Variants in ZNF804B observed in about 807,000 individuals in gnomAD.
ZNF804B encodes zinc finger protein 804B.
In ZNF804B, 80 loss-of-function variants were observed where a neutral mutation model predicts 101.4. That is an observed-to-expected ratio of 0.79 (90% CI 0.66 to 0.95). The LOEUF (loss-of-function observed/expected upper bound fraction) is 0.95, where lower values mean the gene tolerates loss of function less well. Ranked by LOEUF, ZNF804B falls within the 40% of genes least tolerant of loss-of-function variation. The pLI, the probability that ZNF804B is intolerant of heterozygous loss-of-function variation, is 0.00. For missense variants in ZNF804B, 1,673 were observed against 1,561.9 expected (o/e 1.07, Z -1.20); for synonymous variants, 622 against 558.8 (o/e 1.11, Z -1.59).
At chr7:89,018,789 G>A (rs1214449730) in intron 1 of ZNF804B, among the ~76,000 whole-genome samples, 1 of 151,894 alleles carries the variant, frequency 6.6e-6, no homozygotes, top group Non-Finnish European at 1.5e-5. Context: ...GGATACAGTT[G>A]TTCATTAGAA....
At position 89,292,796 on chromosome 7, in the gene ZNF804B, AT is replaced by A. The variant is rs549011168; in HGVS notation, c.250-34547del. ...AATAATTGGATGAAAGGTCAACATA[AT>A]AAAAATTAATTGTATTTTTATATAT... On this transcript the variant is annotated intron_variant, in intron 2 of 3. Coordinates refer to ENST00000333190, the MANE Select transcript of ZNF804B (RefSeq NM_181646.5). Among the ~76,000 whole-genome samples the A allele has an allele frequency of 4.9e-4, 74 of 152,162 alleles. 2 individuals are homozygous for A. The South Asian group carries it at 0.015, about 31-fold the overall frequency.
chr7:88,947,420 A>AAATGAAACACTGCATGTTCTCAC, intron 1 of ZNF804B, among the ~76,000 whole-genome samples: 1 of 152,098 alleles, frequency 6.6e-6, no homozygotes. Context: ...CAGGAACAGA[A>AAATGAAACACTGCATGTTCTCAC]AATGAAACAC....
chr7:89,101,367 T>C (rs1467661746), intron 1 of ZNF804B, among the ~76,000 whole-genome samples: 1 of 152,044 alleles, frequency 6.6e-6, no homozygotes, highest in African/African-American at 2.4e-5. Context: ...ATTTCTATTT[T>C]TATAAAACTC....
chr7:89,113,565 A>T (rs1024062100), intron 1 of ZNF804B, among the ~76,000 whole-genome samples: 1 of 152,168 alleles, frequency 6.6e-6, no homozygotes. Flanking sequence ...GCTCATTTTC[A>T]TCATTACCAT....
intron 1 of ZNF804B, among the ~76,000 whole-genome samples, chr7:89,147,699 C>T (rs201350306): frequency 1.3e-5 from 2 of 151,990 alleles, no homozygotes; most frequent in East Asian, 3.9e-4. Flanking sequence ...CACCTGAGCT[C>T]TGCCACCTGT....
chr7:88,933,199 T>G (rs981765520), intron 1 of ZNF804B, among the ~76,000 whole-genome samples: 1 of 151,858 alleles, frequency 6.6e-6, no homozygotes, highest in Non-Finnish European at 1.5e-5. Context: ...AAAAACCACA[T>G]GATTATCTCA....
At chr7:88,826,987 G>T (rs188208242) in intron 1 of ZNF804B, among the ~76,000 whole-genome samples, 1 of 152,118 alleles carries the variant, frequency 6.6e-6, no homozygotes, top group East Asian at 1.9e-4. Flanking sequence ...GATGTCATGT[G>T]GAGAAATAAG....
In ZNF804B at chr7:89,218,033, A is replaced by G. The variant is rs1263655145; in HGVS notation, c.109-122A>G. ...AAAAGTTATTCTCACAGTGTCATGA[A>G]TTCCCAGAAAACAATGTGCTCCGTC... On this transcript the variant is annotated intron_variant, in intron 1 of 3. Transcript: ENST00000333190. 2.0e-5 allele frequency: 19 copies of G among 956,208 alleles called. No individual in the cohort carries two copies. The East Asian group carries it at 4.4e-4, about 22-fold the overall frequency. The allele number at this position is 956,208 out of a possible 1,614,324, so 59.2% of individuals were successfully genotyped here. A position where few individuals can be genotyped will look rare whatever the true frequency, so the allele number is the denominator to read the frequency against.
intron 1 of ZNF804B, among the ~76,000 whole-genome samples, chr7:89,194,237 C>T (rs556255405): frequency 1.8e-4 from 28 of 152,132 alleles, no homozygotes; most frequent in South Asian, 1.0e-3. Context: ...AAGTAGGTTG[C>T]GAAAATTTTC....
intron 2 of ZNF804B, among the ~76,000 whole-genome samples, chr7:89,279,736 C>T (rs959443634): frequency 9.9e-5 from 15 of 151,944 alleles, no homozygotes; most frequent in African/African-American, 3.4e-4. Context: ...TTTTGATGTG[C>T]TGCTGGATTC....
In ZNF804B at chr7:88,967,877, C is replaced by G. The variant is rs144024309; in HGVS notation, c.108+207793C>G. Among the ~76,000 whole-genome samples, 7 of 151,600 alleles carry G rather than the reference C, an allele frequency of 4.6e-5. No homozygotes were observed. In the East Asian group the frequency reaches 1.4e-3, roughly 30 times the overall value. Reference sequence around the variant, plus strand: ...TGTAGGCCTTTGCTACCAGTAACTTCATTAGAGTTAATGGAAATATTTAGT... The same window carrying G: ...TGTAGGCCTTTGCTACCAGTAACTTGATTAGAGTTAATGGAAATATTTAGT... On this transcript the variant is annotated intron_variant, in intron 1 of 3. Coordinates refer to ENST00000333190, the MANE Select transcript of ZNF804B (RefSeq NM_181646.5).
rs530582963 is a variant in ZNF804B, at chr7:89,309,921, G to A, written c.250-17423G>A. 2.0e-4 allele frequency among the ~76,000 whole-genome samples: 30 copies of A among 151,804 alleles called. No individual in the cohort carries two copies. The South Asian group carries it at 5.4e-3, about 27-fold the overall frequency. On this transcript the variant is annotated intron_variant, in intron 2 of 3. Coordinates refer to ENST00000333190, the MANE Select transcript of ZNF804B (RefSeq NM_181646.5). ...TGTCCATTCCACTCTCTCTCCTCAC[G>A]GACAAAACACATATTTATTTTGAGG... is the stretch of plus-strand genomic sequence containing the variant.
At chr7:89,228,002 T>C (rs769345117) in intron 2 of ZNF804B, among the ~76,000 whole-genome samples, 20 of 152,230 alleles carry the variant, frequency 1.3e-4, no homozygotes, top group Non-Finnish European at 2.5e-4. Flanking sequence ...AAGACTGTCA[T>C]AGTGTGTCCA....
At chr7:88,954,307 T>C (rs918775391) in intron 1 of ZNF804B, among the ~76,000 whole-genome samples, 2 of 151,782 alleles carry the variant, frequency 1.3e-5, no homozygotes, top group African/African-American at 4.8e-5. Flanking sequence ...GAATGTGAAT[T>C]GTTTCAAATT....
intron 1 of ZNF804B, among the ~76,000 whole-genome samples, chr7:89,010,935 G>A (rs1294065849): frequency 6.6e-6 from 1 of 152,154 alleles, no homozygotes; most frequent in Non-Finnish European, 1.5e-5. Flanking sequence ...TTATTATTGG[G>A]CAAAAGTTTT....
chr7:89,214,880 G>C (rs1788865964), intron 1 of ZNF804B, among the ~76,000 whole-genome samples: 1 of 152,202 alleles, frequency 6.6e-6, no homozygotes, highest in Non-Finnish European at 1.5e-5. Context: ...TACATGTGTG[G>C]ATAGATCGTT....
At chr7:88,887,112 C>T (rs1331094729) in intron 1 of ZNF804B, among the ~76,000 whole-genome samples, 1 of 152,072 alleles carries the variant, frequency 6.6e-6, no homozygotes, top group Non-Finnish European at 1.5e-5. Flanking sequence ...CAGATGCTGA[C>T]AAGATTGCGG....
At chr7:89,313,666 A>G (rs895876101) in intron 2 of ZNF804B, among the ~76,000 whole-genome samples, 2 of 152,210 alleles carry the variant, frequency 1.3e-5, no homozygotes, top group Non-Finnish European at 2.9e-5. Context: ...TTGTGTTTTT[A>G]AAATGAACTC....
intron 1 of ZNF804B, among the ~76,000 whole-genome samples, chr7:88,987,857 G>A (rs1289361810): frequency 2.6e-5 from 4 of 151,950 alleles, no homozygotes; most frequent in East Asian, 3.9e-4. Flanking sequence ...GATCTTATTC[G>A]TTGTAACTGT....
Sources: allele counts gnomAD v4.1 joint callset (sites outside exome capture counted in the v4.1 genomes callset), GRCh38; gene constraint gnomAD v4.1.1; transcripts MANE v1.5; gene names NCBI Gene and HGNC (gene_info 2026-07-23, HGNC 2026-07-21).